Variants in GRID2 observed in about 807,000 individuals in gnomAD.
GRID2 encodes the protein glutamate ionotropic receptor delta type subunit 2.
GRID2 carries 33 observed loss-of-function variants against 114.8 expected under a neutral mutation model. The ratio of observed to expected loss-of-function variants is 0.29; its 90% CI spans 0.22 to 0.38. The LOEUF is 0.38. Among genes scored for constraint, GRID2 ranks in the 10% least tolerant of loss-of-function variants. The pLI, the probability that GRID2 is intolerant of heterozygous loss-of-function variation, is 1.00. For missense variants in GRID2, 1,184 were observed against 1,257.7 expected, an observed-to-expected ratio of 0.94 and a Z score of 0.89; for synonymous variants, 505 against 449.9, an observed-to-expected ratio of 1.12 and a Z score of -1.55.
chr4:92,473,045 T>G (rs1722119377), intron 1 of GRID2, among the ~76,000 whole-genome samples: 1 of 152,118 alleles, frequency 6.6e-6, no homozygotes, highest in Non-Finnish European at 1.5e-5. Context: ...GTTTAATGTT[T>G]AGCTCTGTGA....
rs550853895 is a variant in GRID2 at position 92,975,920 on chromosome 4, CTATA to C, written c.245-109073_245-109070del. On this transcript the variant is annotated intron_variant, in intron 2 of 15. Coordinates refer to ENST00000282020, the MANE Select transcript of GRID2 (RefSeq NM_001510.4). The stretch of plus-strand genomic sequence containing the variant: ...GCAGAGAAGAAGCAAATTTACATGA[CTATA>C]TGTGTATATACACAGACACATATAC... Among the ~76,000 whole-genome samples, 261 of 152,212 alleles carry C rather than the reference CTATA, an allele frequency of 1.7e-3. 1 individual carries two copies. Among genetic ancestry groups the C allele is most frequent in the African/African-American group, 6.2e-3 (256 of 41,540 alleles).
chr4:92,310,822 A>G (rs1305005985), intron 1 of GRID2, among the ~76,000 whole-genome samples: 1 of 152,064 alleles, frequency 6.6e-6, no homozygotes, highest in Non-Finnish European at 1.5e-5. Flanking sequence ...AGGAATTGGG[A>G]GAAGAGATAC....
intron 13 of GRID2, among the ~76,000 whole-genome samples, chr4:93,551,862 G>T (rs979638361): frequency 6.6e-6 from 1 of 152,138 alleles, no homozygotes; most frequent in Non-Finnish European, 1.5e-5. Flanking sequence ...CTTGTCAGCT[G>T]AAATATTTAA....
intron 4 of GRID2, among the ~76,000 whole-genome samples, chr4:93,150,918 G>C (rs1044134940): frequency 1.3e-5 from 2 of 151,902 alleles, no homozygotes; most frequent in African/African-American, 4.8e-5. Flanking sequence ...CTTGAGGTTA[G>C]GAGTTCAAGA....
intron 1 of GRID2, among the ~76,000 whole-genome samples, chr4:92,388,061 T>A (rs547031595): frequency 1.3e-5 from 2 of 152,024 alleles, no homozygotes; most frequent in Admixed American, 6.6e-5. Context: ...TTGTTGGACA[T>A]AATATTTTAC....
intron 8 of GRID2, among the ~76,000 whole-genome samples, chr4:93,377,590 T>C (rs1468929453): frequency 1.3e-5 from 2 of 152,220 alleles, no homozygotes; most frequent in African/African-American, 4.8e-5. Flanking sequence ...TTCAGCTCAA[T>C]AAGTTTAGAC....
intron 2 of GRID2, among the ~76,000 whole-genome samples, chr4:93,023,858 G>A (rs1395102928): frequency 2.0e-5 from 3 of 151,858 alleles, no homozygotes; most frequent in South Asian, 4.1e-4. Context: ...AGCACCTGTA[G>A]CTGTGTTTCA....
intron 6 of GRID2, among the ~76,000 whole-genome samples, chr4:93,217,789 G>A (rs757319188): frequency 1.3e-5 from 2 of 151,990 alleles, no homozygotes; most frequent in African/African-American, 4.8e-5. Context: ...GCAGTATAAT[G>A]CTAGCATATA....
chr4:93,439,820 AG>A (rs1721456638), intron 10 of GRID2, among the ~76,000 whole-genome samples: 1 of 151,946 alleles, frequency 6.6e-6, no homozygotes, highest in South Asian at 2.1e-4. Flanking sequence ...CACACTGGAG[AG>A]GGGCATGCCA....
chr4:92,733,197 T>G (rs1243033946), intron 2 of GRID2, among the ~76,000 whole-genome samples: 1 of 152,156 alleles, frequency 6.6e-6, no homozygotes, highest in Non-Finnish European at 1.5e-5. Flanking sequence ...ACATTCATTT[T>G]AAATTCAATT....
chr4:93,047,333 C>A (rs1726243951), intron 2 of GRID2, among the ~76,000 whole-genome samples: 1 of 151,954 alleles, frequency 6.6e-6, no homozygotes, highest in Non-Finnish European at 1.5e-5. Context: ...CTTTAGTTAA[C>A]AATAATGTGT....
intron 2 of GRID2, among the ~76,000 whole-genome samples, chr4:92,832,337 C>T (rs1001574744): frequency 6.6e-5 from 10 of 151,920 alleles, no homozygotes; most frequent in African/African-American, 2.4e-4. Flanking sequence ...CCTGTAATCC[C>T]AGCTACTTGG....
intron 8 of GRID2, among the ~76,000 whole-genome samples, chr4:93,315,031 G>T (rs1288541577): frequency 6.6e-6 from 1 of 152,102 alleles, no homozygotes; most frequent in African/African-American, 2.4e-5. Flanking sequence ...GTTTTGCCTG[G>T]CTGGGGAGGC....
In GRID2 at chr4:92,640,143, C is replaced by T. The variant is rs541238481; in HGVS notation, c.244+49857C>T. ...TAGAATATTGTTTTTCTTTTAATACCGTTTTACACAAAATGGGCTATCAGA... is the reference window on the plus strand; with the variant it reads ...TAGAATATTGTTTTTCTTTTAATACTGTTTTACACAAAATGGGCTATCAGA... On this transcript the variant is annotated intron_variant, in intron 2 of 15. Coordinates refer to ENST00000282020, the MANE Select transcript of GRID2 (RefSeq NM_001510.4). Among the ~76,000 whole-genome samples the T allele has an allele frequency of 1.1e-4, 16 of 151,588 alleles. 1 individual carries two copies. The East Asian group carries it at 1.2e-3, about 11-fold the overall frequency.
At chr4:92,436,787 T>C (rs1193890917) in intron 1 of GRID2, among the ~76,000 whole-genome samples, 2 of 152,138 alleles carry the variant, frequency 1.3e-5, no homozygotes, top group Non-Finnish European at 2.9e-5. Flanking sequence ...AACAATCTCC[T>C]AAATGCCTGA....
intron 2 of GRID2, among the ~76,000 whole-genome samples, chr4:92,726,369 T>A (rs181790708): frequency 3.0e-4 from 45 of 152,212 alleles, no homozygotes; most frequent in African/African-American, 1.1e-3. Context: ...ACTCAGACTA[T>A]AGGAATTTTT....
chr4:92,687,318 T>A (rs1192135113), intron 2 of GRID2, among the ~76,000 whole-genome samples: 1 of 152,054 alleles, frequency 6.6e-6, no homozygotes, highest in Non-Finnish European at 1.5e-5. Context: ...CAGAAATATA[T>A]ATACACAGAT....
chr4:92,933,086 T>G (rs911405870), intron 2 of GRID2, among the ~76,000 whole-genome samples: 1 of 150,898 alleles, frequency 6.6e-6, no homozygotes, highest in East Asian at 1.9e-4. Flanking sequence ...TTATATACAT[T>G]ATAATTCAAA....
chr4:93,162,673 T>G (rs1454200563), intron 4 of GRID2, among the ~76,000 whole-genome samples: 2 of 152,010 alleles, frequency 1.3e-5, no homozygotes, highest in African/African-American at 4.8e-5. Flanking sequence ...GTTACATACA[T>G]TTTACATGTA....
Sources: allele counts gnomAD v4.1 joint callset (sites outside exome capture counted in the v4.1 genomes callset), GRCh38; gene constraint gnomAD v4.1.1; transcripts MANE v1.5; gene names NCBI Gene and HGNC (gene_info 2026-07-23, HGNC 2026-07-21).